ERBB4: variants seen among roughly 807,000 people sequenced by gnomAD.
ERBB4 encodes receptor tyrosine-protein kinase erbB-4.
Under a neutral mutation model 158.0 loss-of-function variants are expected in ERBB4, and 42 were observed. The observed-to-expected ratio is 0.27, with a 90% CI of 0.21 to 0.34. The LOEUF (loss-of-function observed/expected upper bound fraction) is 0.34. ERBB4 is among the 10% of genes least tolerant of loss of function. ERBB4 has a pLI of 1.00. For missense variants in ERBB4, 1,333 were observed against 1,624.1 expected, an observed-to-expected ratio of 0.82 and a Z score of 3.08; for synonymous variants, 583 against 558.7, an observed-to-expected ratio of 1.04 and a Z score of -0.61.
intron 1 of ERBB4, among the ~76,000 whole-genome samples, chr2:212,309,107 G>A (rs1241191754): frequency 6.6e-6 from 1 of 150,864 alleles, no homozygotes; most frequent in Non-Finnish European, 1.5e-5. Context: ...CCTAACATCA[G>A]TGCAAATTTT....
rs529086095 is a variant in ERBB4, at chr2:212,083,692, G to A, written c.234+41060C>T. On this transcript the variant is annotated intron_variant, in intron 2 of 27. Coordinates refer to ENST00000342788, the MANE Select transcript of ERBB4 (RefSeq NM_005235.3). ...CTGGCAAAATAGGTTGACAACATAGGATTGCACAATCCCATAAGTAAAGCA... is the reference window on the plus strand; with the variant it reads ...CTGGCAAAATAGGTTGACAACATAGAATTGCACAATCCCATAAGTAAAGCA... 2.0e-5 allele frequency among the ~76,000 whole-genome samples: 3 copies of A among 151,776 alleles called. No individual in the cohort carries two copies. The East Asian group carries it at 5.8e-4, about 29-fold the overall frequency.
At chr2:211,878,131 A>G (rs1201524478) in intron 3 of ERBB4, among the ~76,000 whole-genome samples, 1 of 152,184 alleles carries the variant, frequency 6.6e-6, no homozygotes, top group African/African-American at 2.4e-5. Context: ...AAACAACAAC[A>G]AAAAACAATG....
chr2:212,487,276 G>T (rs1165860971), intron 1 of ERBB4, among the ~76,000 whole-genome samples: 2 of 151,522 alleles, frequency 1.3e-5, no homozygotes, highest in African/African-American at 2.4e-5. Context: ...ATTATATATT[G>T]TAATATTTTA....
At chr2:211,803,761 A>G (rs1303576453) in intron 3 of ERBB4, among the ~76,000 whole-genome samples, 1 of 152,230 alleles carries the variant, frequency 6.6e-6, no homozygotes, top group Non-Finnish European at 1.5e-5. Flanking sequence ...TGTATCTGTG[A>G]ACTCCTCAAT....
intron 24 of ERBB4, among the ~76,000 whole-genome samples, chr2:211,420,837 A>G (rs1574457990): frequency 6.6e-6 from 1 of 152,056 alleles, no homozygotes; most frequent in Non-Finnish European, 1.5e-5. Context: ...AATATGATAA[A>G]TGCCATTAGA....
intron 1 of ERBB4, among the ~76,000 whole-genome samples, chr2:212,204,940 T>G (rs1448807646): frequency 1.3e-5 from 2 of 148,600 alleles, no homozygotes; most frequent in Non-Finnish European, 3.0e-5. Flanking sequence ...TGCCTCAGCC[T>G]CCCGAGTAGC....
chr2:211,523,803 G>A (rs1008733239), intron 20 of ERBB4, among the ~76,000 whole-genome samples: 1 of 152,096 alleles, frequency 6.6e-6, no homozygotes, highest in Non-Finnish European at 1.5e-5. Flanking sequence ...GACCCGAGCA[G>A]GTTGCCATTG....
At position 211,561,899 on chromosome 2, in the gene ERBB4, T is replaced by G. The variant is rs767370182; in HGVS notation, c.2487+4A>C. On this transcript the variant is annotated splice_donor_region_variant and intron_variant, in intron 20 of 27. Coordinates refer to ENST00000342788, the MANE Select transcript of ERBB4 (RefSeq NM_005235.3). ...AATTTCCATAGAAATTGACAGGCAC[T>G]TACCTTAGCTATCTGGACACACCAG... is the stretch of plus-strand genomic sequence containing the variant. 6.2e-7 allele frequency: 1 copy of G among 1,613,448 alleles called. No homozygotes were observed. Among genetic ancestry groups the G allele is most frequent in the East Asian group, 2.2e-5 (1 of 44,884 alleles).
chr2:212,089,259 T>C (rs1358763419), intron 2 of ERBB4, among the ~76,000 whole-genome samples: 2 of 152,158 alleles, frequency 1.3e-5, no homozygotes, highest in South Asian at 2.1e-4. Context: ...AATATACTAA[T>C]AAAATAGATG....
At chr2:212,500,960 T>C (rs1440263630) in intron 1 of ERBB4, among the ~76,000 whole-genome samples, 1 of 141,502 alleles carries the variant, frequency 7.1e-6, no homozygotes, top group Non-Finnish European at 1.5e-5. Flanking sequence ...AGGGTGATTT[T>C]ATTTGAATGA....
chr2:211,573,229 C>G (rs1323907879), intron 19 of ERBB4, among the ~76,000 whole-genome samples: 1 of 152,140 alleles, frequency 6.6e-6, no homozygotes, highest in Admixed American at 6.6e-5. Context: ...CTGTAGCCAC[C>G]CGCAGCTGGA....
At chr2:211,767,872 T>A (rs1269184699) in intron 4 of ERBB4, among the ~76,000 whole-genome samples, 2 of 152,060 alleles carry the variant, frequency 1.3e-5, no homozygotes, top group Non-Finnish European at 2.9e-5. Context: ...CTCTTAAGTC[T>A]CATGACCTCA....
chr2:212,343,211 T>A (rs2088808440), intron 1 of ERBB4, among the ~76,000 whole-genome samples: 1 of 152,168 alleles, frequency 6.6e-6, no homozygotes, highest in African/African-American at 2.4e-5. Context: ...AAACCACTAA[T>A]AATACTCTTG....
intron 2 of ERBB4, among the ~76,000 whole-genome samples, chr2:211,958,786 G>A (rs995444370): frequency 3.3e-5 from 5 of 152,006 alleles, no homozygotes. Context: ...TTATTTATGA[G>A]AAAAATATTA....
chr2:212,527,500 G>T (rs1352585016), intron 1 of ERBB4, among the ~76,000 whole-genome samples: 1 of 151,968 alleles, frequency 6.6e-6, no homozygotes, highest in Non-Finnish European at 1.5e-5. Context: ...GTTAATGGAA[G>T]AGCAATATTC....
intron 1 of ERBB4, among the ~76,000 whole-genome samples, chr2:212,304,043 G>A (rs7588550): frequency 0.96 from 145,190 of 151,582 alleles, 69,609 homozygotes; most frequent in African/African-American, 0.99. Context: ...CTACAGAGAC[G>A]TGATAAGCAA....
intron 24 of ERBB4, 60 bp from the exon 25 acceptor site, chr2:211,420,671 T>C: frequency 7.3e-7 from 1 of 1,373,318 alleles, no homozygotes; most frequent in Non-Finnish European, 1.0e-6. Flanking sequence ...AAATATGTGG[T>C]CTCTGCAATA....
intron 2 of ERBB4, among the ~76,000 whole-genome samples, chr2:211,972,330 A>G (rs1028164177): frequency 6.6e-6 from 1 of 152,256 alleles, no homozygotes; most frequent in Admixed American, 6.5e-5. Context: ...CATACTGCCC[A>G]AAGCAATTTA....
intron 2 of ERBB4, among the ~76,000 whole-genome samples, chr2:211,962,047 G>A (rs866547283): frequency 2.6e-5 from 4 of 152,176 alleles, no homozygotes; most frequent in South Asian, 4.2e-4. Flanking sequence ...GGTTTCTGGG[G>A]TGGGTAGCAA....
Sources: gnomAD v4.1 joint callset for allele counts (sites outside exome capture counted in the v4.1 genomes callset) on GRCh38, gnomAD v4.1.1 for gene constraint, MANE v1.5 for transcripts, NCBI Gene and HGNC (gene_info 2026-07-23, HGNC 2026-07-21) for gene names.